The following PPARGC1A variants were observed in gnomAD, a reference collection of about 807,000 sequenced individuals.
The protein encoded by PPARGC1A is PPARG coactivator 1 alpha, also known as peroxisome proliferator-activated receptor gamma coactivator 1-alpha.
PPARGC1A carries 25 observed loss-of-function variants against 88.7 expected under a neutral mutation model. That is an observed-to-expected ratio of 0.28 (90% CI 0.21 to 0.39). PPARGC1A has a LOEUF of 0.39. Ranked by LOEUF, PPARGC1A falls within the 10% of genes least tolerant of loss-of-function variation. The pLI is 1.00. For missense variants in PPARGC1A, 880 were observed against 968.7 expected, an observed-to-expected ratio of 0.91 and a Z score of 1.22; for synonymous variants, 363 against 355.6, an observed-to-expected ratio of 1.02 and a Z score of -0.24.
At chr4:23,906,423 G>T (rs1302672864), upstream of PPARGC1A, among the ~76,000 whole-genome samples, 2 of 151,838 alleles carry the variant, frequency 1.3e-5, no homozygotes, top group African/African-American at 2.4e-5. Context: ...GACCAGCCGG[G>T]CCAACAGGGT....
the PPARGC1A span, among the ~76,000 whole-genome samples, chr4:24,431,238 G>A: frequency 1.3e-5 from 2 of 152,096 alleles, no homozygotes; most frequent in African/African-American, 4.8e-5. Flanking sequence ...TGCTACAGTG[G>A]GGATGCAGGA....
chr4:23,991,489 T>C, the PPARGC1A span, among the ~76,000 whole-genome samples: 1 of 151,906 alleles, frequency 6.6e-6, no homozygotes, highest in Non-Finnish European at 1.5e-5. Flanking sequence ...TCTGATTGCA[T>C]CAGGGGAGCT....
At chr4:23,818,816 G>A (rs1464947095) in intron 7 of PPARGC1A, among the ~76,000 whole-genome samples, 1 of 128,644 alleles carries the variant, frequency 7.8e-6, no homozygotes, top group East Asian at 2.6e-4. Flanking sequence ...TGTTTCTTGT[G>A]ATGTGCTATT....
chr4:23,869,938 G>A (rs752969884), intron 2 of PPARGC1A, among the ~76,000 whole-genome samples: 4 of 152,114 alleles, frequency 2.6e-5, no homozygotes, highest in Admixed American at 6.5e-5. Flanking sequence ...TATTGATAAG[G>A]AAAAAGAATC....
At chr4:24,192,039 C>T in the PPARGC1A span, among the ~76,000 whole-genome samples, 2 of 152,164 alleles carry the variant, frequency 1.3e-5, no homozygotes, top group Non-Finnish European at 2.9e-5. Flanking sequence ...ACTTGTATCC[C>T]ACCTCTAAGT....
chr4:24,233,997 A>G, the PPARGC1A span, among the ~76,000 whole-genome samples: 1 of 152,240 alleles, frequency 6.6e-6, no homozygotes, highest in African/African-American at 2.4e-5. Flanking sequence ...TTCAGGATTT[A>G]AATCTCAGTC....
At chr4:24,416,600 T>G in the PPARGC1A span, among the ~76,000 whole-genome samples, 4 of 152,080 alleles carry the variant, frequency 2.6e-5, no homozygotes, top group Non-Finnish European at 5.9e-5. Flanking sequence ...AAGCTTTAAT[T>G]AGAAGTCCTG....
chr4:24,245,757 CAAGAA>C, the PPARGC1A span, among the ~76,000 whole-genome samples: 1 of 152,148 alleles, frequency 6.6e-6, no homozygotes, highest in Non-Finnish European at 1.5e-5. Context: ...GAGTTGAATA[CAAGAA>C]AAGAAAAATA....
chr4:23,909,201 G>A, the PPARGC1A span, among the ~76,000 whole-genome samples: 1 of 152,220 alleles, frequency 6.6e-6, no homozygotes, highest in African/African-American at 2.4e-5. Flanking sequence ...TACGTAATTT[G>A]AAATAAAAAC....
rs1456246318 is a variant in PPARGC1A, at chr4:23,830,138, T to G, written c.430-553A>C. ...TCCAAATAAGTCAAGTGGCAACAAA[T>G]GAAAGATTTTGTGATGCTTTGAACC... On this transcript the variant is annotated intron_variant, in intron 3 of 12. Coordinates refer to ENST00000264867, the MANE Select transcript of PPARGC1A (RefSeq NM_013261.5). Among the ~76,000 whole-genome samples the G allele has an allele frequency of 2.0e-5, 3 of 152,146 alleles. No homozygotes were observed. In the East Asian group the frequency reaches 5.8e-4, roughly 29 times the overall value.
the PPARGC1A span, among the ~76,000 whole-genome samples, chr4:24,090,234 G>A: frequency 6.6e-6 from 1 of 152,178 alleles, no homozygotes; most frequent in East Asian, 1.9e-4. Flanking sequence ...GACCCCTGGA[G>A]ACCCACCACA....
the PPARGC1A span, among the ~76,000 whole-genome samples, chr4:24,410,528 A>G: frequency 7.9e-5 from 12 of 152,212 alleles, no homozygotes; most frequent in Non-Finnish European, 1.6e-4. Context: ...CTGAGCGTCA[A>G]CTTGATTGGA....
intron 12 of PPARGC1A, among the ~76,000 whole-genome samples, chr4:23,801,209 ACAC>A (rs1718653815): frequency 6.6e-6 from 1 of 151,928 alleles, no homozygotes; most frequent in South Asian, 2.1e-4. Context: ...ACACACACAC[ACAC>A]ATGAATCATA....
At chr4:24,030,787 G>C in the PPARGC1A span, among the ~76,000 whole-genome samples, 2 of 152,166 alleles carry the variant, frequency 1.3e-5, no homozygotes, top group Admixed American at 6.5e-5. Context: ...GAGTAGACTG[G>C]AATGGAAGGT....
At chr4:24,362,452 A>T in the PPARGC1A span, among the ~76,000 whole-genome samples, 1 of 152,144 alleles carries the variant, frequency 6.6e-6, no homozygotes, top group African/African-American at 2.4e-5. Context: ...ATGCTTTTAC[A>T]GTTTTTTACT....
intron 3 of PPARGC1A, among the ~76,000 whole-genome samples, chr4:23,829,909 C>CA (rs1323541699): frequency 6.6e-6 from 1 of 152,116 alleles, no homozygotes; most frequent in African/African-American, 2.4e-5. Flanking sequence ...AGGAAAATCT[C>CA]AAAATTTCCA....
chr4:24,331,090 T>C, the PPARGC1A span, among the ~76,000 whole-genome samples: 1 of 152,182 alleles, frequency 6.6e-6, no homozygotes, highest in Non-Finnish European at 1.5e-5. Flanking sequence ...TTCACAACTA[T>C]ACGTTATCTC....
chr4:24,292,132 G>A, the PPARGC1A span, among the ~76,000 whole-genome samples: 8 of 152,112 alleles, frequency 5.3e-5, no homozygotes, highest in Admixed American at 4.6e-4. Context: ...CCTAAGACTC[G>A]CCTCCGCCAC....
At chr4:24,234,127 G>A in the PPARGC1A span, among the ~76,000 whole-genome samples, 2 of 152,090 alleles carry the variant, frequency 1.3e-5, no homozygotes, top group East Asian at 3.9e-4. Flanking sequence ...GAATCTAGAG[G>A]GCCTACTGAA....
Sources: allele counts gnomAD v4.1 joint callset (sites outside exome capture counted in the v4.1 genomes callset), GRCh38; gene constraint gnomAD v4.1.1; transcripts MANE v1.5; gene names NCBI Gene and HGNC (gene_info 2026-07-23, HGNC 2026-07-21).